CFAP144: variants seen among roughly 807,000 people sequenced by gnomAD.
The protein encoded by CFAP144 is cilia and flagella associated protein 144, also known as cilia- and flagella-associated protein 144.
chr1:43,146,445 T>A, the CFAP144 span, among the ~76,000 whole-genome samples: 1 of 152,168 alleles, frequency 6.6e-6, no homozygotes, highest in East Asian at 1.9e-4. Context: ...TAACCTCAGG[T>A]CATCAAATTA....
At chr1:43,152,062 A>G in the CFAP144 span, among the ~76,000 whole-genome samples, 1 of 152,092 alleles carries the variant, frequency 6.6e-6, no homozygotes, top group East Asian at 1.9e-4. Flanking sequence ...GCTGAGATAG[A>G]CATTTTCCTC....
the CFAP144 span, among the ~76,000 whole-genome samples, chr1:43,151,651 G>A: frequency 0.028 from 4,241 of 152,274 alleles, 204 homozygotes; most frequent in African/African-American, 0.096. Context: ...CTATTTGGGA[G>A]TGAGAGAGGA....
the CFAP144 span, among the ~76,000 whole-genome samples, chr1:43,147,630 G>A: frequency 1.3e-5 from 2 of 152,246 alleles, no homozygotes; most frequent in East Asian, 3.9e-4. Context: ...CTTACCTCCT[G>A]GGTCTGCCCC....
chr1:43,154,760 T>C, the CFAP144 span, among the ~76,000 whole-genome samples: 2 of 151,860 alleles, frequency 1.3e-5, no homozygotes, highest in African/African-American at 2.4e-5. Context: ...CACTATGAGG[T>C]TTTGCAGTGA....
chr1:43,147,742 G>A, the CFAP144 span: 1 of 1,422,664 alleles, frequency 7.0e-7, no homozygotes, highest in Non-Finnish European at 9.2e-7. Context: ...ATAGGGCGGG[G>A]CGCGAAATAA....
the CFAP144 span, chr1:43,152,853 T>C: frequency 1.9e-6 from 3 of 1,612,444 alleles, no homozygotes; most frequent in Non-Finnish European, 2.5e-6. Flanking sequence ...TCATTCACCA[T>C]GCTGCCCAGG....
chr1:43,146,939 G>A, the CFAP144 span, among the ~76,000 whole-genome samples: 4 of 152,150 alleles, frequency 2.6e-5, no homozygotes, highest in Non-Finnish European at 4.4e-5. Flanking sequence ...TCCGCCTCCC[G>A]GGTTCAAGCG....
At chr1:43,154,102 T>A in the CFAP144 span, among the ~76,000 whole-genome samples, 37 of 118,708 alleles carry the variant, frequency 3.1e-4, no homozygotes, top group Non-Finnish European at 4.5e-4. Flanking sequence ...ATATATATAC[T>A]CTCTTTTTAT....
At chr1:43,154,324 T>TTA in the CFAP144 span, among the ~76,000 whole-genome samples, 12 of 145,340 alleles carry the variant, frequency 8.3e-5, no homozygotes, top group Non-Finnish European at 1.8e-4. Flanking sequence ...TAAAAATTAT[T>TTA]TATATATATC....
At chr1:43,144,884 G>A in the CFAP144 span, among the ~76,000 whole-genome samples, 1 of 152,164 alleles carries the variant, frequency 6.6e-6, no homozygotes, top group Non-Finnish European at 1.5e-5. Flanking sequence ...TGGAGAGATG[G>A]TTTCCCTCAT....
At chr1:43,147,870 G>A in the CFAP144 span, 1 of 1,569,312 alleles carries the variant, frequency 6.4e-7, no homozygotes, top group Non-Finnish European at 8.6e-7. Flanking sequence ...ACCACGGGAC[G>A]CCGTTGCCTG....
chr1:43,156,151 C>T, the CFAP144 span: 2 of 1,512,168 alleles, frequency 1.3e-6, no homozygotes, highest in South Asian at 1.1e-5. Context: ...ACTCCAAACC[C>T]AGGTCCTCCT....
chr1:43,145,369 C>A, the CFAP144 span: 1 of 1,168,386 alleles, frequency 8.6e-7, no homozygotes, highest in Non-Finnish European at 1.3e-6. Flanking sequence ...GCACAAGGTC[C>A]CTGCTGTAGA....
chr1:43,146,875 T>C, the CFAP144 span, among the ~76,000 whole-genome samples: 1 of 152,216 alleles, frequency 6.6e-6, no homozygotes, highest in South Asian at 2.1e-4. Flanking sequence ...AGAAGGAGTC[T>C]CGCTCTGTCC....
the CFAP144 span, chr1:43,152,937 C>T: frequency 1.9e-5 from 30 of 1,608,962 alleles, no homozygotes; most frequent in Middle Eastern, 1.6e-4. Flanking sequence ...CCTTGGTAAG[C>T]GTGGCTCCTT....
the CFAP144 span, among the ~76,000 whole-genome samples, chr1:43,154,407 TATATAC>T: frequency 1.2e-5 from 1 of 86,068 alleles, no homozygotes; most frequent in African/African-American, 1.8e-4. Context: ...TATGTATACA[TATATAC>T]GCACATATAC....
the CFAP144 span, chr1:43,150,808 G>T: frequency 3.0e-5 from 49 of 1,609,864 alleles, no homozygotes; most frequent in East Asian, 1.0e-3. Flanking sequence ...TAACCTGGAG[G>T]AACCTGCAGA....
the CFAP144 span, chr1:43,150,927 T>A: frequency 1.1e-6 from 1 of 895,654 alleles, no homozygotes; most frequent in Non-Finnish European, 1.8e-6. Context: ...CAGAGTCCTC[T>A]GCTTTGATCC....
the CFAP144 span, among the ~76,000 whole-genome samples, chr1:43,146,543 A>T: frequency 6.6e-6 from 1 of 152,250 alleles, no homozygotes; most frequent in Non-Finnish European, 1.5e-5. Flanking sequence ...TTTGGTGTCC[A>T]GAAGACACCA....
Sources: allele counts gnomAD v4.1 joint callset (sites outside exome capture counted in the v4.1 genomes callset), GRCh38; gene constraint gnomAD v4.1.1; transcripts MANE v1.5; gene names NCBI Gene and HGNC (gene_info 2026-07-23, HGNC 2026-07-21).